The following MSI2 variants were observed in gnomAD, a reference collection of about 807,000 sequenced individuals.
The protein encoded by MSI2 is musashi RNA binding protein 2.
In MSI2, 17 loss-of-function variants were observed where a neutral mutation model predicts 45.6. That is an observed-to-expected ratio of 0.37 (90% CI 0.26 to 0.56). The LOEUF is 0.56. MSI2 is among the 20% of genes least tolerant of loss of function. The pLI is 0.77. For missense variants in MSI2, 293 were observed against 444.2 expected (o/e 0.66, Z 3.06); for synonymous variants, 156 against 158.2 (o/e 0.99, Z 0.11).
chr17:57,681,816 A>AT lies in MSI2; in HGVS notation c.*2302dup, dbSNP rs1913617106. 3 of 189,526 alleles carry AT rather than the reference A, an allele frequency of 1.6e-5. No individual in the cohort carries two copies. The highest frequency in any genetic ancestry group is 1.8e-3 in the Middle Eastern group (1 of 554). 11.7% of individuals were successfully genotyped at this position (189,526 alleles called of 1,614,324 possible). On this transcript the variant is annotated 3_prime_UTR_variant, in exon 14 of 14. Coordinates refer to ENST00000284073, the MANE Select transcript of MSI2 (RefSeq NM_138962.4). ...CATAAAACAACAAAACATAAGTTTTATTTAAAAAAAAAAAAAGAAAGAAAA... is the reference window on the plus strand; with the variant it reads ...CATAAAACAACAAAACATAAGTTTTATTTTAAAAAAAAAAAAAGAAAGAAAA...
At chr17:57,458,402 A>C (rs1052826080) in intron 6 of MSI2, among the ~76,000 whole-genome samples, 1 of 152,184 alleles carries the variant, frequency 6.6e-6, no homozygotes, top group African/African-American at 2.4e-5. Flanking sequence ...GCCCGGCCAC[A>C]TATTTTTAAT....
chr17:57,502,636 T>TATATATATATATATAGAGAGAGAG, intron 6 of MSI2, among the ~76,000 whole-genome samples: 8 of 96,902 alleles, frequency 8.3e-5, no homozygotes, highest in Non-Finnish European at 1.5e-4. Context: ...TATATATATA[T>TATATATATATATATAGAGAGAGAG]AGTCATCATT....
rs11391034 is a variant in MSI2 at position 57,604,874 on chromosome 17, A to ACCC, written c.537+7929_537+7931dup. 3.4e-5 allele frequency among the ~76,000 whole-genome samples: 5 copies of ACCC among 148,952 alleles called. No homozygotes were observed. The East Asian group carries it at 1.0e-3, about 30-fold the overall frequency. On this transcript the variant is annotated intron_variant, in intron 8 of 13. Transcript: ENST00000284073. Reference sequence around the variant, plus strand: ...TGGCAAGGTGCCCAGTGATTGGCTCACCCCCCCACTCCTTCCAGCTGCTCC... The same window carrying ACCC: ...TGGCAAGGTGCCCAGTGATTGGCTCACCCCCCCCCCACTCCTTCCAGCTGCTCC...
intron 7 of MSI2, among the ~76,000 whole-genome samples, chr17:57,537,568 G>C (rs1415929393): frequency 1.3e-5 from 2 of 152,218 alleles, no homozygotes; most frequent in African/African-American, 4.8e-5. Flanking sequence ...AGGCCATTAA[G>C]GATTCCTGTA....
At chr17:57,541,906 G>A (rs186137163) in intron 7 of MSI2, among the ~76,000 whole-genome samples, 352 of 152,236 alleles carry the variant, frequency 2.3e-3, no homozygotes, top group African/African-American at 7.7e-3. Flanking sequence ...TGTGTCCAGC[G>A]TTGGTGCCTG....
At chr17:57,636,672 C>T (rs886676644) in intron 10 of MSI2, among the ~76,000 whole-genome samples, 1 of 152,216 alleles carries the variant, frequency 6.6e-6, no homozygotes, top group Non-Finnish European at 1.5e-5. Context: ...CCTCATTTTC[C>T]TGTAAGTTGA....
At chr17:57,672,110 A>G (rs1424599097) in intron 11 of MSI2, among the ~76,000 whole-genome samples, 1 of 151,578 alleles carries the variant, frequency 6.6e-6, no homozygotes, top group African/African-American at 2.4e-5. Flanking sequence ...CCTGTCTTTC[A>G]CCCCTGGCTG....
chr17:57,331,251 T>C (rs949750760), intron 5 of MSI2, among the ~76,000 whole-genome samples: 2 of 152,176 alleles, frequency 1.3e-5, no homozygotes, highest in Non-Finnish European at 2.9e-5. Flanking sequence ...AATTAAATAA[T>C]GAAACTTCTT....
At chr17:57,320,937 T>G (rs1322648285) in intron 5 of MSI2, among the ~76,000 whole-genome samples, 1 of 152,050 alleles carries the variant, frequency 6.6e-6, no homozygotes, top group African/African-American at 2.4e-5. Context: ...CTCCCTGCCA[T>G]GCTGCCTTCC....
chr17:57,257,151 G>T lies in MSI2; in HGVS notation c.103+13G>T. 6.5e-7 allele frequency: 1 copy of T among 1,528,974 alleles called. No homozygotes were observed. Among genetic ancestry groups the T allele is most frequent in the South Asian group, 1.1e-5 (1 of 87,230 alleles). The allele number at this position is 1,528,974 out of a possible 1,614,324, so 94.7% of individuals were successfully genotyped here. ...CAGACCTCACCAGGTAAGGGAGGGA[G>T]GGGGGGACGCCTGGGTCCCCCCCTT... On this transcript the variant is annotated intron_variant, in intron 2 of 13. Coordinates refer to ENST00000284073, the MANE Select transcript of MSI2 (RefSeq NM_138962.4).
intron 6 of MSI2, among the ~76,000 whole-genome samples, chr17:57,520,916 C>T (rs1368672208): frequency 1.3e-5 from 2 of 152,066 alleles, no homozygotes; most frequent in East Asian, 3.8e-4. Flanking sequence ...CTGCCCACCT[C>T]GGCCTCCCAA....
At chr17:57,279,994 A>G (rs1253501475) in intron 5 of MSI2, 1 of 150,300 alleles carries the variant, frequency 6.7e-6, no homozygotes, top group Admixed American at 6.6e-5. Flanking sequence ...ACATCCATGC[A>G]TTGGATGTTA....
At chr17:57,548,898 T>TCCCCCCCCCCCC (rs758120237) in intron 7 of MSI2, among the ~76,000 whole-genome samples, 36 of 121,272 alleles carry the variant, frequency 3.0e-4, no homozygotes, top group Non-Finnish European at 4.3e-4. Flanking sequence ...TGTTTACCCT[T>TCCCCCCCCCCCC]CCCCCCCCCA....
intron 6 of MSI2, among the ~76,000 whole-genome samples, chr17:57,429,142 G>C (rs539745438): frequency 1.3e-5 from 2 of 152,162 alleles, no homozygotes; most frequent in South Asian, 4.2e-4. Context: ...TCTAACCCCT[G>C]CAGATCTCCC....
rs572795465 is a variant in MSI2, at chr17:57,318,801, A to G, written c.312+56609A>G. Among the ~76,000 whole-genome samples the G allele has an allele frequency of 2.6e-5, 4 of 152,248 alleles. No homozygotes were observed. The South Asian group carries it at 8.3e-4, about 32-fold the overall frequency. ...GTGTCGTTTCTCCTGTTAAGTGCAA[A>G]GAAGATGCCTCGCTGCAGGAACATC... On this transcript the variant is annotated intron_variant, in intron 5 of 13. Coordinates refer to ENST00000284073, the MANE Select transcript of MSI2 (RefSeq NM_138962.4).
At chr17:57,316,507 G>A (rs995709230) in intron 5 of MSI2, among the ~76,000 whole-genome samples, 1 of 152,046 alleles carries the variant, frequency 6.6e-6, no homozygotes, top group African/African-American at 2.4e-5. Flanking sequence ...TAATATTTTT[G>A]TGTAGACAGG....
intron 5 of MSI2, among the ~76,000 whole-genome samples, chr17:57,369,088 C>A (rs932773963): frequency 1.4e-4 from 22 of 152,108 alleles, no homozygotes; most frequent in Admixed American, 7.9e-4. Flanking sequence ...AAGCTAGTTC[C>A]CAGGTGTGCT....
intron 6 of MSI2, among the ~76,000 whole-genome samples, chr17:57,527,245 TA>T (rs2086720722): frequency 1.7e-5 from 2 of 119,704 alleles, no homozygotes; most frequent in Non-Finnish European, 3.4e-5. Flanking sequence ...ACCTGCGTGA[TA>T]CCTGGCAGGA....
chr17:57,588,308 C>T (rs1314729591), intron 7 of MSI2, among the ~76,000 whole-genome samples: 1 of 152,164 alleles, frequency 6.6e-6, no homozygotes, highest in African/African-American at 2.4e-5. Context: ...CTCAGGTCAG[C>T]GTGCCTGCCC....
Sources: allele counts gnomAD v4.1 joint callset (sites outside exome capture counted in the v4.1 genomes callset), GRCh38; gene constraint gnomAD v4.1.1; transcripts MANE v1.5; gene names NCBI Gene and HGNC (gene_info 2026-07-23, HGNC 2026-07-21).